FSIP1: variants seen among roughly 807,000 people sequenced by gnomAD.
FSIP1 encodes the protein fibrous sheath-interacting protein 1.
FSIP1 carries 65 observed loss-of-function variants against 60.9 expected under a neutral mutation model. That is an observed-to-expected ratio of 1.07 (90% CI 0.87 to 1.31). The LOEUF is 1.31. FSIP1 is among the 40% of genes most tolerant of loss of function. The pLI is 0.00. For synonymous variants in FSIP1, 209 were observed against 221.2 expected, an observed-to-expected ratio of 0.94 and a Z score of 0.49; for missense variants, 675 against 665.5, an observed-to-expected ratio of 1.01 and a Z score of -0.16.
In FSIP1 at chr15:39,690,990, C is replaced by T. The variant is rs149379441; in HGVS notation, c.1188+22454G>A. Among the ~76,000 whole-genome samples the T allele has an allele frequency of 3.5e-3, 539 of 152,236 alleles. 4 individuals carry two copies. The highest frequency in any genetic ancestry group is 0.012 in the African/African-American group (509 of 41,536). On this transcript the variant is annotated intron_variant, in intron 10 of 11. Transcript: ENST00000350221. ...ACAACATCAATCCATCAGAGAGGTT[C>T]GAGTAAAACTGAGCCAAAAAAGAGA...
intron 8 of FSIP1, among the ~76,000 whole-genome samples, chr15:39,735,906 T>G (rs1411604788): frequency 6.6e-6 from 1 of 152,224 alleles, no homozygotes; most frequent in African/African-American, 2.4e-5. Context: ...TCAATATCAC[T>G]GTCTTCCACT....
chr15:39,646,059 A>T (rs1265699917), intron 10 of FSIP1, among the ~76,000 whole-genome samples: 1 of 152,160 alleles, frequency 6.6e-6, no homozygotes, highest in Non-Finnish European at 1.5e-5. Flanking sequence ...AAAGCTCTGT[A>T]CTCAGCCAGA....
In FSIP1 at chr15:39,738,075, A is replaced by C; in HGVS notation, c.891+16T>G. ...TAAATTAAGAAGTGTAGTGTTCCCTATCAGAGTTTACGTACCTCAGAACTG... is the reference window on the plus strand; with the variant it reads ...TAAATTAAGAAGTGTAGTGTTCCCTCTCAGAGTTTACGTACCTCAGAACTG... On this transcript the variant is annotated intron_variant, in intron 8 of 11. Coordinates refer to ENST00000350221, the MANE Select transcript of FSIP1 (RefSeq NM_152597.5). The C allele has an allele frequency of 7.1e-7, 1 of 1,405,064 alleles. No homozygotes were observed. Among genetic ancestry groups the C allele is most frequent in the Non-Finnish European group, 1.0e-6 (1 of 999,120 alleles). 87.0% of individuals were successfully genotyped at this position (1,405,064 alleles called of 1,614,324 possible).
chr15:39,636,822 T>C (rs1245189215), intron 10 of FSIP1, among the ~76,000 whole-genome samples: 1 of 152,246 alleles, frequency 6.6e-6, no homozygotes, highest in Non-Finnish European at 1.5e-5. Flanking sequence ...TTATATATAG[T>C]ACAAAAGAGA....
At chr15:39,764,325 T>C (rs530542627) in intron 4 of FSIP1, among the ~76,000 whole-genome samples, 1 of 152,340 alleles carries the variant, frequency 6.6e-6, no homozygotes, top group South Asian at 2.1e-4. Flanking sequence ...GAAAAAGTGA[T>C]AGGCTAACTT....
At chr15:39,751,279 C>T (rs539463390) in intron 5 of FSIP1, among the ~76,000 whole-genome samples, 3 of 151,628 alleles carry the variant, frequency 2.0e-5, no homozygotes, top group Non-Finnish European at 4.4e-5. Context: ...TGGGTATAAA[C>T]GCAAAGAAAA....
At chr15:39,634,334 C>A (rs186598590) in intron 10 of FSIP1, among the ~76,000 whole-genome samples, 3 of 152,284 alleles carry the variant, frequency 2.0e-5, no homozygotes, top group Admixed American at 2.0e-4. Flanking sequence ...CCAAATCCCT[C>A]TCCTTCTATT....
chr15:39,663,695 G>T (rs565796725), intron 10 of FSIP1, among the ~76,000 whole-genome samples: 22 of 152,140 alleles, frequency 1.4e-4, no homozygotes, highest in Non-Finnish European at 3.2e-4. Context: ...AGAAAAATAA[G>T]GTGTGAAACA....
intron 10 of FSIP1, among the ~76,000 whole-genome samples, chr15:39,647,121 G>C (rs1892649910): frequency 6.6e-6 from 1 of 152,182 alleles, no homozygotes; most frequent in Non-Finnish European, 1.5e-5. Context: ...GAAATGGGGA[G>C]ATATACATAA....
intron 10 of FSIP1, among the ~76,000 whole-genome samples, chr15:39,637,975 A>T (rs1310474284): frequency 6.6e-6 from 1 of 152,236 alleles, no homozygotes; most frequent in Non-Finnish European, 1.5e-5. Flanking sequence ...TATGGCAGTT[A>T]GTGATATTTT....
At chr15:39,642,265 C>A (rs1026581892) in intron 10 of FSIP1, among the ~76,000 whole-genome samples, 1 of 152,166 alleles carries the variant, frequency 6.6e-6, no homozygotes, top group African/African-American at 2.4e-5. Context: ...TTTAATGGGA[C>A]CGAAGAGTCT....
chr15:39,763,985 C>T, intron 4 of FSIP1, 71 bp from the exon 5 acceptor site: 1 of 805,058 alleles, frequency 1.2e-6, no homozygotes, highest in East Asian at 2.5e-5. Context: ...TTTTAAACTC[C>T]AACACGGCTC....
At chr15:39,727,957 T>C (rs1411384374) in intron 8 of FSIP1, among the ~76,000 whole-genome samples, 3 of 152,154 alleles carry the variant, frequency 2.0e-5, no homozygotes, top group African/African-American at 7.2e-5. Context: ...GTAAAATCAA[T>C]GTACAAAAAT....
At chr15:39,672,902 T>C (rs779248706) in intron 10 of FSIP1, among the ~76,000 whole-genome samples, 2 of 152,124 alleles carry the variant, frequency 1.3e-5, no homozygotes, top group Admixed American at 6.5e-5. Flanking sequence ...TGGAAACTCA[T>C]GGCATGCTCA....
intron 9 of FSIP1, among the ~76,000 whole-genome samples, chr15:39,724,544 G>A (rs906708311): frequency 1.1e-4 from 16 of 152,214 alleles, no homozygotes; most frequent in South Asian, 2.1e-4. Flanking sequence ...AAGCCACTGC[G>A]CCTGGCCCAT....
rs148913803 is a variant in FSIP1, at chr15:39,776,421, G to A, written c.104C>T (p.Ser35Leu). The A allele has an allele frequency of 9.7e-5, 156 of 1,613,858 alleles. No individual in the cohort carries two copies. The highest frequency in any genetic ancestry group is 1.2e-4 in the Non-Finnish European group (144 of 1,179,864). ...TACCTTGAAGGATCCTGGTTCTGTT[G>A]AGAGCACCTCCAAAGAAGCATTTGA... ...RSSNASLEVL[S>L]TEPGSFKVDT... The change falls in exon 2 of 12, where the codon TCA (serine) becomes TTA (leucine). Residue 35 changes from serine to leucine, a missense_variant. Ser to Leu is a moderately radical substitution (Grantham distance 145). Coordinates refer to ENST00000350221, the MANE Select transcript of FSIP1 (RefSeq NM_152597.5).
At chr15:39,687,394 T>C (rs1894425711) in intron 10 of FSIP1, among the ~76,000 whole-genome samples, 1 of 152,184 alleles carries the variant, frequency 6.6e-6, no homozygotes, top group Admixed American at 6.5e-5. Flanking sequence ...CCTCAGGTGA[T>C]CCACCCGCCT....
rs531516641 is a variant in FSIP1, at chr15:39,633,850, A to G, written c.1189-15605T>C. On this transcript the variant is annotated intron_variant, in intron 10 of 11. Transcript: ENST00000350221. ...AACACCAGACTTTGCTGTCATACACACTGGACAATAGGTGAAAAAACTCCA... is the reference window on the plus strand; with the variant it reads ...AACACCAGACTTTGCTGTCATACACGCTGGACAATAGGTGAAAAAACTCCA... Among the ~76,000 whole-genome samples the G allele has an allele frequency of 2.0e-5, 3 of 152,328 alleles. No homozygotes were observed. In the East Asian group the frequency reaches 5.8e-4, roughly 29 times the overall value.
chr15:39,695,183 T>C (rs1894766377), intron 10 of FSIP1, among the ~76,000 whole-genome samples: 1 of 152,138 alleles, frequency 6.6e-6, no homozygotes, highest in African/African-American at 2.4e-5. Context: ...ACTAGCTGCC[T>C]ACCTGGGATT....
Sources: allele counts gnomAD v4.1 joint callset (sites outside exome capture counted in the v4.1 genomes callset), GRCh38; gene constraint gnomAD v4.1.1; transcripts MANE v1.5; gene names NCBI Gene and HGNC (gene_info 2026-07-23, HGNC 2026-07-21).